Variants in MEF2C observed in about 807,000 individuals in gnomAD.
MEF2C encodes the protein myocyte enhancer factor 2C.
In MEF2C, 6 loss-of-function variants were observed where a neutral mutation model predicts 50.5. The observed-to-expected ratio is 0.12, with a 90% CI of 0.07 to 0.23. The LOEUF (loss-of-function observed/expected upper bound fraction) is 0.23. MEF2C is among the 10% of genes least tolerant of loss of function. The probability of loss-of-function intolerance (pLI) is 1.00; values close to 1 mark genes in which losing one functional copy is unlikely to be tolerated. For missense variants in MEF2C, 276 were observed against 605.0 expected (o/e 0.46, Z 5.70); for synonymous variants, 183 against 228.0 (o/e 0.80, Z 1.78).
At chr5:88,832,508 C>G (rs1365422556) in intron 1 of MEF2C, among the ~76,000 whole-genome samples, 1 of 152,106 alleles carries the variant, frequency 6.6e-6, no homozygotes, top group Non-Finnish European at 1.5e-5. Context: ...GGCCTTCCTA[C>G]AAGCGCAGGT....
intron 2 of MEF2C, among the ~76,000 whole-genome samples, chr5:88,821,369 T>C (rs1479942760): frequency 1.3e-5 from 2 of 151,920 alleles, no homozygotes; most frequent in African/African-American, 4.8e-5. Context: ...TCTCGGGTCC[T>C]AGTGGTCCCC....
chr5:88,737,288 A>T (rs1178205627), intron 6 of MEF2C: 1 of 985,250 alleles, frequency 1.0e-6, no homozygotes, highest in Non-Finnish European at 1.2e-6. Flanking sequence ...CTTATCTACC[A>T]TATATATGAA....
intron 4 of MEF2C, among the ~76,000 whole-genome samples, chr5:88,753,212 G>A (rs1773678844): frequency 6.6e-6 from 1 of 151,868 alleles, no homozygotes; most frequent in South Asian, 2.1e-4. Context: ...TGTTTATCTT[G>A]GTGATGATCA....
chr5:88,738,291 T>C (rs756650062), intron 6 of MEF2C: 18 of 985,268 alleles, frequency 1.8e-5, no homozygotes, highest in Non-Finnish European at 2.2e-5. Context: ...TAGCAATCGC[T>C]AACACAGTGT....
chr5:88,859,358 T>G (rs1824679321), intron 1 of MEF2C, among the ~76,000 whole-genome samples: 1 of 152,236 alleles, frequency 6.6e-6, no homozygotes, highest in Non-Finnish European at 1.5e-5. Context: ...ACATTCAAGC[T>G]CTTCTGTTAA....
At chr5:88,881,726 C>CTTT (rs5869446) in intron 1 of MEF2C, among the ~76,000 whole-genome samples, 5 of 142,992 alleles carry the variant, frequency 3.5e-5, no homozygotes, top group African/African-American at 1.0e-4. Context: ...AGGCTAGTCG[C>CTTT]TTTTTTTTTT....
At chr5:88,761,457 AAC>A (rs1395871270) in intron 3 of MEF2C, 129 bp from the exon 4 acceptor site, 29 of 1,119,180 alleles carry the variant, frequency 2.6e-5, no homozygotes, top group Non-Finnish European at 3.5e-5. Context: ...AGGGAAGAGA[AAC>A]CACAGATGAA....
chr5:88,885,676 A>G (rs893178995), upstream of MEF2C, among the ~76,000 whole-genome samples: 1 of 152,214 alleles, frequency 6.6e-6, no homozygotes, highest in African/African-American at 2.4e-5. Flanking sequence ...ATATGGTGGT[A>G]AAAATAAAAT....
chr5:88,722,488 CT>C lies in MEF2C; in HGVS notation c.*115del, dbSNP rs553216678. The C allele has an allele frequency of 0.028, 18,983 of 686,466 alleles. 24 individuals carry two copies. Among genetic ancestry groups the C allele is most frequent in the South Asian group, 0.06 (2,602 of 43,186 alleles). 42.5% of individuals were successfully genotyped at this position (686,466 alleles called of 1,614,324 possible). ...TACTTTTACAAAACAGAGTACCTGA[CT>C]TTTTTTTTTTCCACACACGGCACAT... is the stretch of plus-strand genomic sequence containing the variant. On this transcript the variant is annotated 3_prime_UTR_variant, in exon 11 of 11. Coordinates refer to ENST00000504921, the MANE Select transcript of MEF2C (RefSeq NM_002397.5).
chr5:88,899,473 C>T (rs898398983), intron 1 of MEF2C, among the ~76,000 whole-genome samples: 4 of 152,150 alleles, frequency 2.6e-5, no homozygotes, highest in Non-Finnish European at 5.9e-5. Flanking sequence ...AAAGGCCCAT[C>T]CATTCATTAG....
At chr5:88,748,985 T>A (rs762408221) in intron 6 of MEF2C, 85 bp downstream of exon 6, 61 of 1,547,864 alleles carry the variant, frequency 3.9e-5, no homozygotes, top group African/African-American at 8.2e-5. Flanking sequence ...TTAACTTTAT[T>A]TGTTCAAAAG....
At chr5:88,810,892 GC>G (rs1400855162) in intron 2 of MEF2C, among the ~76,000 whole-genome samples, 1 of 152,072 alleles carries the variant, frequency 6.6e-6, no homozygotes, top group African/African-American at 2.4e-5. Flanking sequence ...GCCTTCTACA[GC>G]CTTTAGAAAG....
intron 1 of MEF2C, chr5:88,825,408 G>T: frequency 1.2e-6 from 1 of 854,380 alleles, no homozygotes; most frequent in Non-Finnish European, 1.4e-6. Context: ...CTGCAGCTCA[G>T]TTCTGCCTCT....
At chr5:88,831,076 A>G (rs1249324999) in intron 1 of MEF2C, among the ~76,000 whole-genome samples, 2 of 152,116 alleles carry the variant, frequency 1.3e-5, no homozygotes, top group Non-Finnish European at 1.5e-5. Context: ...CCTGTTAGAA[A>G]AAAATTATGT....
intron 1 of MEF2C, among the ~76,000 whole-genome samples, chr5:88,848,219 G>T (rs1160838317): frequency 6.6e-6 from 1 of 152,186 alleles, no homozygotes; most frequent in East Asian, 1.9e-4. Flanking sequence ...ATTGTGGAGA[G>T]AATCTGCTGG....
intron 1 of MEF2C, among the ~76,000 whole-genome samples, chr5:88,892,766 C>A (rs1378038282): frequency 2.6e-5 from 4 of 152,162 alleles, no homozygotes; most frequent in Admixed American, 1.3e-4. Context: ...CCCTGGTTGA[C>A]CTTTGGAATG....
At chr5:88,832,843 T>C (rs1813610096) in intron 1 of MEF2C, among the ~76,000 whole-genome samples, 1 of 152,160 alleles carries the variant, frequency 6.6e-6, no homozygotes. Flanking sequence ...ATGCTAATTA[T>C]GGCTATCACT....
intron 3 of MEF2C, among the ~76,000 whole-genome samples, chr5:88,800,230 G>T (rs895022792): frequency 2.6e-5 from 4 of 152,104 alleles, no homozygotes; most frequent in African/African-American, 9.7e-5. Flanking sequence ...AACCTGTCTG[G>T]GAGTCCTGTC....
chr5:88,868,606 T>C (rs1247147076), intron 1 of MEF2C, among the ~76,000 whole-genome samples: 1 of 152,120 alleles, frequency 6.6e-6, no homozygotes, highest in Non-Finnish European at 1.5e-5. Context: ...TGTAACACAC[T>C]ACAATTCTCC....
Sources: gnomAD v4.1 joint callset for allele counts (sites outside exome capture counted in the v4.1 genomes callset) on GRCh38, gnomAD v4.1.1 for gene constraint, MANE v1.5 for transcripts, NCBI Gene and HGNC (gene_info 2026-07-23, HGNC 2026-07-21) for gene names.